FAM53A: variants seen among roughly 807,000 people sequenced by gnomAD.
FAM53A encodes the protein family with sequence similarity 53 member A, also known as protein FAM53A.
In FAM53A, 28 loss-of-function variants were observed where a neutral mutation model predicts 26.6. That is an observed-to-expected ratio of 1.05 (90% confidence interval 0.78 to 1.45). The LOEUF is 1.45. Ranked by LOEUF, FAM53A falls within the 40% of genes most tolerant of loss-of-function variation. The pLI, the probability that FAM53A is intolerant of heterozygous loss-of-function variation, is 0.00. For synonymous variants in FAM53A, 290 were observed against 253.1 expected (o/e 1.15, Z -1.38); for missense variants, 650 against 575.8 (o/e 1.13, Z -1.32).
At chr4:1,606,797 C>T in the FAM53A span, among the ~76,000 whole-genome samples, 3 of 152,226 alleles carry the variant, frequency 2.0e-5, no homozygotes, top group Non-Finnish European at 4.4e-5. Context: ...TCGGGGAAAG[C>T]GCTGCTGTGA....
intron 1 of FAM53A, among the ~76,000 whole-genome samples, chr4:1,682,264 C>CTTT (rs3993306): frequency 7.7e-5 from 10 of 130,282 alleles, no homozygotes; most frequent in African/African-American, 1.2e-4. Flanking sequence ...TTTTAATTTC[C>CTTT]TTTTTTTTTT....
At chr4:1,614,255 C>T (rs1282060465), downstream of FAM53A, among the ~76,000 whole-genome samples, 7 of 152,230 alleles carry the variant, frequency 4.6e-5, no homozygotes, top group Non-Finnish European at 7.4e-5. Flanking sequence ...TGGGGCTCCA[C>T]GGCCCCACTT....
At chr4:1,616,397 C>T (rs56821002), downstream of FAM53A, among the ~76,000 whole-genome samples, 1,970 of 147,910 alleles carry the variant, frequency 0.013, 148 homozygotes, top group East Asian at 0.23. Flanking sequence ...AGCAAGTTGG[C>T]GCCCAGCAGG....
chr4:1,647,012 G>C (rs1259983169), intron 4 of FAM53A, among the ~76,000 whole-genome samples: 1 of 152,162 alleles, frequency 6.6e-6, no homozygotes, highest in African/African-American at 2.4e-5. Context: ...TTGAAACATA[G>C]CTTTGCCAAT....
chr4:1,631,672 G>T (rs962642321), intron 1 of FAM53A, among the ~76,000 whole-genome samples: 3 of 151,970 alleles, frequency 2.0e-5, no homozygotes, highest in Non-Finnish European at 2.9e-5. Context: ...AAAAGCTATA[G>T]AAACACTGAT....
intron 1 of FAM53A, among the ~76,000 whole-genome samples, chr4:1,681,388 G>T (rs370120986): frequency 6.6e-6 from 1 of 152,156 alleles, no homozygotes; most frequent in East Asian, 1.9e-4. Context: ...GTTTCTCCCC[G>T]TGTCTCAGCC....
At chr4:1,595,069 T>C in the FAM53A span, among the ~76,000 whole-genome samples, 6 of 152,118 alleles carry the variant, frequency 3.9e-5, no homozygotes, top group Non-Finnish European at 7.4e-5. Flanking sequence ...CAAAGCACCA[T>C]GGGACCCAGC....
At chr4:1,632,722 G>A (rs1026417708) in intron 1 of FAM53A, among the ~76,000 whole-genome samples, 5 of 152,352 alleles carry the variant, frequency 3.3e-5, no homozygotes, top group African/African-American at 9.6e-5. Flanking sequence ...CAGTTTGCAC[G>A]CCTGTGTATA....
At chr4:1,575,826 A>T in the FAM53A span, among the ~76,000 whole-genome samples, 1 of 152,010 alleles carries the variant, frequency 6.6e-6, no homozygotes, top group African/African-American at 2.4e-5. Flanking sequence ...GAGGCCTGAT[A>T]AGGGGTGGGA....
At chr4:1,628,818 AGG>A (rs1715477551) in intron 1 of FAM53A, among the ~76,000 whole-genome samples, 6 of 5,744 alleles carry the variant, frequency 1.0e-3, no homozygotes, top group Admixed American at 2.1e-3. Flanking sequence ...GGCATGGGGG[AGG>A]GTGGCATGGG....
the FAM53A span, among the ~76,000 whole-genome samples, chr4:1,574,787 C>T: frequency 6.6e-6 from 1 of 152,318 alleles, no homozygotes; most frequent in Admixed American, 6.5e-5. Context: ...AGGTGGTCAG[C>T]GGGCGGCAGG....
the FAM53A span, among the ~76,000 whole-genome samples, chr4:1,604,661 C>T: frequency 6.6e-6 from 1 of 152,160 alleles, no homozygotes; most frequent in Non-Finnish European, 1.5e-5. Flanking sequence ...ACTGCACTGC[C>T]CACTTCCTCC....
chr4:1,606,009 C>A, the FAM53A span, among the ~76,000 whole-genome samples: 4 of 151,338 alleles, frequency 2.6e-5, no homozygotes, highest in African/African-American at 4.9e-5. Context: ...GCCAGGAATT[C>A]TCTCCAAAAT....
chr4:1,683,068 C>A (rs1389126777), intron 1 of FAM53A, among the ~76,000 whole-genome samples: 1 of 152,204 alleles, frequency 6.6e-6, no homozygotes, highest in Non-Finnish European at 1.5e-5. Flanking sequence ...ACCCAGCGCA[C>A]AAGGAGGACT....
the FAM53A span, among the ~76,000 whole-genome samples, chr4:1,586,739 C>T: frequency 3.3e-5 from 5 of 149,730 alleles, no homozygotes; most frequent in East Asian, 2.0e-4. Context: ...GCCAAGATCG[C>T]GCCACTGCAC....
In FAM53A at chr4:1,640,766, C is replaced by T. The variant is rs111869810; in HGVS notation, c.*527G>A. 2 of 358,246 alleles carry T rather than the reference C, an allele frequency of 5.6e-6. No individual in the cohort carries two copies. 22.2% of individuals were successfully genotyped at this position (358,246 alleles called of 1,614,324 possible). ...CTACTCTGTGCCCCAGGGCAGGTGCCGGTGGCAGCCATGGCCCCGACCAGC... is the reference window on the plus strand; with the variant it reads ...CTACTCTGTGCCCCAGGGCAGGTGCTGGTGGCAGCCATGGCCCCGACCAGC... On this transcript the variant is annotated 3_prime_UTR_variant, in exon 5 of 5. Transcript: ENST00000308132.
chr4:1,606,589 C>T, the FAM53A span, among the ~76,000 whole-genome samples: 1 of 152,044 alleles, frequency 6.6e-6, no homozygotes. Flanking sequence ...ATGACAAGTG[C>T]ATAAACGACT....
intron 1 of FAM53A, among the ~76,000 whole-genome samples, chr4:1,633,916 CAGGACCT>C: frequency 6.6e-6 from 1 of 152,154 alleles, no homozygotes; most frequent in Non-Finnish European, 1.5e-5. Flanking sequence ...GGTCTGGCTA[CAGGACCT>C]CACTTCCTGT....
At chr4:1,644,199 C>A in intron 4 of FAM53A, 1 of 1,535,958 alleles carries the variant, frequency 6.5e-7, no homozygotes, top group African/African-American at 1.4e-5. Context: ...CTTCAGGGGC[C>A]AGGTTTCCTT....
Sources: allele counts gnomAD v4.1 joint callset (sites outside exome capture counted in the v4.1 genomes callset), GRCh38; gene constraint gnomAD v4.1.1; transcripts MANE v1.5; gene names NCBI Gene and HGNC (gene_info 2026-07-23, HGNC 2026-07-21).